The following ADAM12 variants were observed in gnomAD, a reference collection of about 807,000 sequenced individuals.
ADAM12 encodes disintegrin and metalloproteinase domain-containing protein 12.
A neutral mutation model predicts 106.4 loss-of-function variants in ADAM12; 70 were observed. The ratio of observed to expected loss-of-function variants is 0.66; its 90% CI spans 0.54 to 0.80. The LOEUF (loss-of-function observed/expected upper bound fraction) is 0.80. Ranked by LOEUF, ADAM12 falls within the 30% of genes least tolerant of loss-of-function variation. ADAM12 has a pLI of 0.00. For synonymous variants in ADAM12, 420 were observed against 433.5 expected (o/e 0.97, Z 0.39); for missense variants, 1,010 against 1,171.9 (o/e 0.86, Z 2.02).
chr10:126,245,812 C>T (rs934443126), intron 3 of ADAM12, among the ~76,000 whole-genome samples: 1 of 151,964 alleles, frequency 6.6e-6, no homozygotes, highest in African/African-American at 2.4e-5. Context: ...AAGAAAGTGG[C>T]CCTTTCTTTG....
At chr10:126,335,142 C>T (rs1446835120) in intron 1 of ADAM12, among the ~76,000 whole-genome samples, 1 of 152,212 alleles carries the variant, frequency 6.6e-6, no homozygotes, top group Non-Finnish European at 1.5e-5. Context: ...GTGCAAAAAT[C>T]ACAACTCCAT....
intron 6 of ADAM12, among the ~76,000 whole-genome samples, chr10:126,113,537 G>A (rs1355039461): frequency 1.4e-5 from 2 of 143,184 alleles, no homozygotes; most frequent in Non-Finnish European, 1.5e-5. Context: ...GTACACGCCT[G>A]TAGTCCCAGC....
chr10:126,308,144 G>A (rs1407956074), intron 2 of ADAM12, among the ~76,000 whole-genome samples: 3 of 152,260 alleles, frequency 2.0e-5, no homozygotes, highest in East Asian at 1.9e-4. Context: ...GTTCCTTGAC[G>A]GTGACCATCC....
chr10:126,155,045 G>T, intron 4 of ADAM12, among the ~76,000 whole-genome samples, 182 bp downstream of exon 4: 1 of 152,048 alleles, frequency 6.6e-6, no homozygotes, highest in African/African-American at 2.4e-5. Flanking sequence ...CACATACCTG[G>T]CCAAGGCTGC....
At chr10:126,210,812 G>A (rs1957887495) in intron 3 of ADAM12, among the ~76,000 whole-genome samples, 1 of 152,188 alleles carries the variant, frequency 6.6e-6, no homozygotes, top group Non-Finnish European at 1.5e-5. Flanking sequence ...AAGGGAGGCT[G>A]ATAGGGCAGG....
At chr10:126,338,588 A>T (rs562285078) in intron 1 of ADAM12, among the ~76,000 whole-genome samples, 2 of 152,276 alleles carry the variant, frequency 1.3e-5, no homozygotes, top group African/African-American at 4.8e-5. Flanking sequence ...CTGGTGAGTG[A>T]GATACTAATC....
chr10:126,170,861 A>G (rs967989737), intron 3 of ADAM12, among the ~76,000 whole-genome samples: 2 of 152,196 alleles, frequency 1.3e-5, no homozygotes, highest in Non-Finnish European at 2.9e-5. Context: ...CTGATCAGCA[A>G]CTGGGCTTCA....
chr10:126,054,010 T>A (rs1954571126), intron 14 of ADAM12, among the ~76,000 whole-genome samples: 1 of 152,156 alleles, frequency 6.6e-6, no homozygotes, highest in African/African-American at 2.4e-5. Context: ...CCTGGCCTGG[T>A]CTCAGTCTTC....
intron 3 of ADAM12, among the ~76,000 whole-genome samples, chr10:126,221,782 C>A (rs1311137202): frequency 6.6e-6 from 1 of 152,230 alleles, no homozygotes; most frequent in African/African-American, 2.4e-5. Flanking sequence ...TTAGATCCTT[C>A]TCATTCTCCC....
intron 1 of ADAM12, among the ~76,000 whole-genome samples, chr10:126,338,499 G>A (rs1258563013): frequency 1.3e-5 from 2 of 151,918 alleles, no homozygotes; most frequent in Non-Finnish European, 2.9e-5. Flanking sequence ...TGATCCGCCC[G>A]CCTCGGCCTC....
chr10:126,310,635 G>C (rs1278446534), intron 2 of ADAM12, among the ~76,000 whole-genome samples: 2 of 152,086 alleles, frequency 1.3e-5, no homozygotes, highest in Non-Finnish European at 2.9e-5. Flanking sequence ...TGGGTGCAGA[G>C]GTAACAGTAT....
At chr10:126,353,319 C>G (rs1006517240) in intron 1 of ADAM12, among the ~76,000 whole-genome samples, 1 of 152,088 alleles carries the variant, frequency 6.6e-6, no homozygotes, top group Admixed American at 6.6e-5. Context: ...AAAGATGTTA[C>G]GGTACAAGTG....
At chr10:126,054,996 C>A (rs780694837) in intron 14 of ADAM12, among the ~76,000 whole-genome samples, 58 of 152,100 alleles carry the variant, frequency 3.8e-4, no homozygotes, top group Non-Finnish European at 5.9e-5. Context: ...GTCTCCAGGG[C>A]CTTACACATT....
intron 1 of ADAM12, among the ~76,000 whole-genome samples, chr10:126,365,874 C>T (rs1245767673): frequency 6.6e-6 from 1 of 152,146 alleles, no homozygotes; most frequent in African/African-American, 2.4e-5. Context: ...TTTAAAGGTG[C>T]TTACTCCTGT....
intron 5 of ADAM12, among the ~76,000 whole-genome samples, chr10:126,132,195 G>C (rs550132125): frequency 5.9e-5 from 9 of 152,054 alleles, no homozygotes; most frequent in African/African-American, 1.7e-4. Flanking sequence ...GAATGGTCTC[G>C]ATCTCTTGAC....
At position 126,017,183 on chromosome 10, in the gene ADAM12, TAAAA is replaced by T; in HGVS notation, c.*92_*95del. ...CTTATAGTAATGATGTTTTAAACAT[TAAAA>T]AAAATCCTAAAAGTTGGTACAAAAA... On this transcript the variant is annotated 3_prime_UTR_variant, in exon 23 of 23. Coordinates refer to ENST00000448723, the MANE Select transcript of ADAM12 (RefSeq NM_001288973.2). 1 of 1,165,662 alleles carries T rather than the reference TAAAA, an allele frequency of 8.6e-7. No homozygotes were observed. Among genetic ancestry groups the T allele is most frequent in the Middle Eastern group, 2.0e-4 (1 of 5,076 alleles). 72.2% of individuals were successfully genotyped at this position (1,165,662 alleles called of 1,614,324 possible). A position where few individuals can be genotyped will look rare whatever the true frequency, so the allele number is the denominator to read the frequency against.
rs1440251207 is a variant in ADAM12 at position 126,155,251 on chromosome 10, A to G, written c.315T>C (p.Asp105=). 2 of 1,614,198 alleles carry G rather than the reference A, an allele frequency of 1.2e-6. No homozygotes were observed. The highest frequency in any genetic ancestry group is 2.2e-5 in the East Asian group (1 of 44,886). The change falls in exon 4 of 23, where the codon GAT becomes GAC. Residue 105 remains aspartate, a synonymous_variant. Coordinates refer to ENST00000448723, the MANE Select transcript of ADAM12 (RefSeq NM_001288973.2). ...CCGTGTAATTTCGAGCGAGGGAGAC[A>G]TCAGTACCGTCTTGCAGATAGTGGG... is the stretch of plus-strand genomic sequence containing the variant. The part of the protein sequence containing the change: ...TETHYLQDGT[D]VSLARNYTGH...
At chr10:126,356,880 G>T (rs1050104229) in intron 1 of ADAM12, among the ~76,000 whole-genome samples, 16 of 152,288 alleles carry the variant, frequency 1.1e-4, no homozygotes, top group African/African-American at 3.6e-4. Context: ...GCTTGAGCAA[G>T]ATGCAAAAGA....
At chr10:126,282,182 C>T (rs1959616341) in intron 2 of ADAM12, among the ~76,000 whole-genome samples, 1 of 152,144 alleles carries the variant, frequency 6.6e-6, no homozygotes, top group African/African-American at 2.4e-5. Flanking sequence ...CCACAGATGG[C>T]CTTTTGTATG....
Sources: allele counts gnomAD v4.1 joint callset (sites outside exome capture counted in the v4.1 genomes callset), GRCh38; gene constraint gnomAD v4.1.1; transcripts MANE v1.5; gene names NCBI Gene and HGNC (gene_info 2026-07-23, HGNC 2026-07-21).